The following TAF1 variants were observed in gnomAD, a reference collection of about 807,000 sequenced individuals.
TAF1 encodes TATA-box binding protein associated factor 1, also known as transcription initiation factor TFIID subunit 1.
In TAF1, 2 loss-of-function variants were observed where a neutral mutation model predicts 138.5. That is an observed-to-expected ratio of 0.01 (90% CI 0.01 to 0.05). TAF1 has a LOEUF of 0.05. Ranked by LOEUF, TAF1 falls within the 10% of genes least tolerant of loss-of-function variation. The pLI is 1.00. For synonymous variants in TAF1, 437 were observed against 503.2 expected (o/e 0.87, Z 1.76); for missense variants, 709 against 1,478.0 (o/e 0.48, Z 8.53).
rs755993492 is a variant in TAF1, at chrX:71,387,407, A to C, written c.2373A>C (p.Glu791Asp). 4 of 1,211,889 alleles carry C rather than the reference A, an allele frequency of 3.3e-6. No individual in the cohort carries two copies. The highest frequency in any genetic ancestry group is 4.5e-6 in the Non-Finnish European group (4 of 895,577). The change falls in exon 15 of 38, where the codon GAA becomes GAC. Residue 791 changes from glutamate to aspartate, a missense_variant. Coordinates refer to ENST00000423759, the MANE Select transcript of TAF1 (RefSeq NM_004606.5). ...FVVGQQCPLF[E>D]VPGPNSKRAN... is the part of the protein sequence containing the mutation. Reference sequence around the variant, plus strand: ...TTGGCCAGCAGTGTCCCTTGTTTGAAGTTCCTGGGCCTAACTCCAAAAGGG... The same window carrying C: ...TTGGCCAGCAGTGTCCCTTGTTTGACGTTCCTGGGCCTAACTCCAAAAGGG...
chrX:71,408,295 A>G, intron 28 of TAF1, 144 bp downstream of exon 28: 1 of 691,873 alleles, frequency 1.4e-6, no homozygotes, highest in Non-Finnish European at 2.1e-6. Flanking sequence ...GGTAATGTAC[A>G]TTTTCAGTCA....
In TAF1 at chrX:71,464,539, T is replaced by G. The variant is rs760277145; in HGVS notation, c.*493T>G. ...GGCCAACATGGCGAAACCGCATCTC[T>G]ACTAAAAATACAAAAATTAGCCAGG... On this transcript the variant is annotated 3_prime_UTR_variant, in exon 38 of 38. Coordinates refer to ENST00000423759, the MANE Select transcript of TAF1 (RefSeq NM_004606.5). 1 of 258,279 alleles carries G rather than the reference T, an allele frequency of 3.9e-6. No homozygotes were observed. The highest frequency in any genetic ancestry group is 2.8e-5 in the African/African-American group (1 of 35,360). 21.3% of individuals were successfully genotyped at this position (258,279 alleles called of 1,213,427 possible).
intron 13 of TAF1, chrX:71,491,105 A>G (rs190291871): frequency 2.5e-4 from 26 of 102,654 alleles, no homozygotes; most frequent in Admixed American, 1.1e-3. Flanking sequence ...TGGAGAAGGA[A>G]CAAAGAAATC....
rs1366032874 is a variant in TAF1 at position 71,393,691 on chromosome X, G to C, written c.3227+215G>C. Among the ~76,000 whole-genome samples the C allele has an allele frequency of 2.7e-5, 3 of 111,761 alleles. No homozygotes were observed. In the East Asian group the frequency reaches 8.3e-4, roughly 31 times the overall value. On this transcript the variant is annotated intron_variant, in intron 21 of 37. Coordinates refer to ENST00000423759, the MANE Select transcript of TAF1 (RefSeq NM_004606.5). Reference sequence around the variant, plus strand: ...AATTTTTGAACAGAAGGAAACGCTAGTCTTGTGTTCTAGGTTCCATGACAA... The same window carrying C: ...AATTTTTGAACAGAAGGAAACGCTACTCTTGTGTTCTAGGTTCCATGACAA...
chrX:71,389,409 T>TTG (rs759325087), intron 17 of TAF1, among the ~76,000 whole-genome samples, 176 bp from the exon 18 acceptor site: 23 of 112,150 alleles, frequency 2.1e-4, no homozygotes, highest in Middle Eastern at 4.6e-3. Flanking sequence ...CCTTGGCATG[T>TTG]TGTAATGTAT....
Position 71,460,636 on chromosome X carries a change from G to A in TAF1, c.5232G>A (p.Leu1744=), listed in dbSNP as rs1237562776. The part of the protein sequence containing the change: ...EGDNPFSAIQ[L]SESGSDSDVG... ...TGTCTCTTTTTACAGCTATCCAGCT[G>A]AGTGAAAGTGGAAGTGACTCTGATG... is the stretch of plus-strand genomic sequence containing the variant. Residue 1744 remains leucine, a synonymous_variant, in exon 37 of 38, where the codon CTG becomes CTA. Coordinates refer to ENST00000423759, the MANE Select transcript of TAF1 (RefSeq NM_004606.5). The A allele has an allele frequency of 1.7e-6, 2 of 1,211,466 alleles. No individual in the cohort carries two copies. The highest frequency in any genetic ancestry group is 2.2e-6 in the Non-Finnish European group (2 of 895,324).
chrX:71,380,008 GT>G (rs1242698291), intron 8 of TAF1, among the ~76,000 whole-genome samples: 20 of 104,092 alleles, frequency 1.9e-4, no homozygotes, highest in Admixed American at 7.3e-4. Context: ...CCTTAAATAG[GT>G]TTTTTTTTTT....
chrX:71,519,106 A>G (rs1159279097), intron 13 of TAF1, among the ~76,000 whole-genome samples: 1 of 108,362 alleles, frequency 9.2e-6, no homozygotes. Context: ...ACGGATCACG[A>G]GGTCAGGAGA....
intron 7 of TAF1, 116 bp from the exon 8 acceptor site, chrX:71,378,708 G>A (rs2033656433): frequency 1.2e-6 from 1 of 826,933 alleles, no homozygotes; most frequent in Non-Finnish European, 1.8e-6. Context: ...TCAGGTGGTT[G>A]TTTCAAGTAA....
At position 71,378,451 on chromosome X, in the gene TAF1, G is replaced by C; in HGVS notation, c.1150G>C (p.Glu384Gln). The change falls in exon 7 of 38, where the codon GAG (glutamate) becomes CAG (glutamine). Residue 384 changes from glutamate (E) to glutamine (Q), a missense_variant and splice_region_variant. Physicochemically the swap from Glu to Gln is conservative, Grantham distance 29 (BLOSUM62 2). This residue lies in a region of TAF1 where 201 missense variants were observed against 421.3 expected (regional missense o/e 0.48). Coordinates refer to ENST00000423759, the MANE Select transcript of TAF1 (RefSeq NM_004606.5). ...ACCTGTGATAAAATCTAGAATGATA[G>C]AGGTGAGCAACACTGGTATGTAAGA... ...HEPVIKSRMI[E>Q]EFRKLEENNG... is the part of the protein sequence containing the mutation. The C allele has an allele frequency of 8.3e-7, 1 of 1,210,979 alleles. No individual in the cohort carries two copies. The highest frequency in any genetic ancestry group is 3.0e-5 in the East Asian group (1 of 33,870).
intron 22 of TAF1, among the ~76,000 whole-genome samples, chrX:71,396,162 AT>A (rs1484912829): frequency 3.7e-5 from 4 of 109,434 alleles, no homozygotes; most frequent in Non-Finnish European, 5.7e-5. Context: ...AAAAAAAAAA[AT>A]AACCTACATT....
chrX:71,479,428 C>T lies in TAF1; in HGVS notation c.1366+18625C>T, dbSNP rs564431883. Among the ~76,000 whole-genome samples the T allele has an allele frequency of 4.0e-4, 44 of 110,991 alleles. No homozygotes were observed. The South Asian group carries it at 0.015, about 37-fold the overall frequency. On this transcript the variant is annotated intron_variant and NMD_transcript_variant, in intron 13 of 14. Transcript: ENST00000373775. ...TGCTACTAAAAATACAAAAATTAGC[C>T]GGGCGTGGTGGCGCATGCCTGCAGT... is the stretch of plus-strand genomic sequence containing the variant.
chrX:71,379,975 G>T (rs2033777043), intron 8 of TAF1, among the ~76,000 whole-genome samples: 1 of 110,050 alleles, frequency 9.1e-6, no homozygotes, highest in Admixed American at 9.7e-5. Flanking sequence ...TTTGTATTTA[G>T]AATTCTAGTT....
At chrX:71,407,920 A>T (rs930881751) in intron 27 of TAF1, 54 bp from the exon 28 acceptor site, 2 of 1,171,469 alleles carry the variant, frequency 1.7e-6, no homozygotes, top group Non-Finnish European at 2.3e-6. Flanking sequence ...GTCTTCAGGA[A>T]TTGGCTCTGG....
In TAF1 at chrX:71,387,266, T is replaced by G; in HGVS notation, c.2232T>G (p.Phe744Leu). 1 of 1,212,085 alleles carries G rather than the reference T, an allele frequency of 8.3e-7. No homozygotes were observed. The highest frequency in any genetic ancestry group is 1.1e-6 in the Non-Finnish European group (1 of 895,539). The change falls in exon 15 of 38, where the codon TTT becomes TTG. Residue 744 changes from phenylalanine to leucine, a missense_variant. Around this residue, in one of 14 missense-constraint regions of TAF1, gnomAD observed 201 missense variants for 421.3 expected, o/e 0.48. Coordinates refer to ENST00000423759, the MANE Select transcript of TAF1 (RefSeq NM_004606.5). ...SLHPGQLLQA[F>L]ENNLFRAPIY... ...TGTGTTTTTACTTTTGTTAGGCATT[T>G]GAGAACAACCTTTTTCGTGCTCCAA... is the stretch of plus-strand genomic sequence containing the variant.
At chrX:71,489,290 G>GTCA (rs1355178662) in intron 13 of TAF1, among the ~76,000 whole-genome samples, 2 of 110,896 alleles carry the variant, frequency 1.8e-5, no homozygotes, top group African/African-American at 6.6e-5. Flanking sequence ...GATGTCAGAG[G>GTCA]TCAGGTTTTT....
At chrX:71,451,009 AATTTTCT>A (rs2037933206) in intron 32 of TAF1, among the ~76,000 whole-genome samples, 1 of 112,070 alleles carries the variant, frequency 8.9e-6, no homozygotes, top group African/African-American at 3.2e-5. Context: ...CACATCTTTA[AATTTTCT>A]AAAAGAAGCC....
chrX:71,495,322 T>C (rs760902084), intron 13 of TAF1, among the ~76,000 whole-genome samples: 35 of 111,516 alleles, frequency 3.1e-4, no homozygotes, highest in Non-Finnish European at 6.6e-4. Flanking sequence ...GCCTCGATCC[T>C]AGAGGAAACA....
intron 36 of TAF1, 72 bp downstream of exon 36, chrX:71,459,780 C>G: frequency 8.6e-7 from 1 of 1,167,744 alleles, no homozygotes; most frequent in Non-Finnish European, 1.1e-6. Flanking sequence ...TGGATAGGCG[C>G]TCTTGGCCAC....
Sources: gnomAD v4.1 joint callset for allele counts (sites outside exome capture counted in the v4.1 genomes callset) on GRCh38, gnomAD v4.1.1 for gene constraint, gnomAD v4.1.1 regional missense constraint, MANE v1.5 for transcripts, NCBI Gene and HGNC (gene_info 2026-07-23, HGNC 2026-07-21) for gene names.